Variants in BNIP2 observed in about 807,000 individuals in gnomAD.
BNIP2 encodes BCL2 interacting protein 2.
A neutral mutation model predicts 43.4 loss-of-function variants in BNIP2; 36 were observed. The ratio of observed to expected loss-of-function variants is 0.83; its 90% CI spans 0.64 to 1.10. BNIP2 has a LOEUF of 1.10. BNIP2 is among the 50% of genes least tolerant of loss of function. The pLI is 0.00. For missense variants in BNIP2, 417 were observed against 374.1 expected (o/e 1.11, Z -0.95); for synonymous variants, 146 against 121.0 (o/e 1.21, Z -1.35).
chr15:59,682,496 A>G lies in BNIP2; in HGVS notation c.-39T>C. On this transcript the variant is annotated 5_prime_UTR_variant, in exon 2 of 10. Transcript: ENST00000607373. ...TCAATGTCAACTACAAACTCTTGAT[A>G]ATCCAGGGAGCCAATGTCCTATGAA... 1.9e-6 allele frequency: 3 copies of G among 1,613,020 alleles called. No homozygotes were observed. Among genetic ancestry groups the G allele is most frequent in the Non-Finnish European group, 2.5e-6 (3 of 1,179,554 alleles).
rs1352132536 is a variant in BNIP2, at chr15:59,664,069, T to C, written c.945A>G (p.Ter315=). 6.5e-7 allele frequency: 1 copy of C among 1,547,562 alleles called. No individual in the cohort carries two copies. Among genetic ancestry groups the C allele is most frequent in the Non-Finnish European group, 8.7e-7 (1 of 1,143,940 alleles). The change falls in exon 10 of 10, where the codon TAA becomes TAG. Residue 315 remains the stop codon, a stop_retained_variant. Transcript: ENST00000607373. ...GKQDEPKNEQ[*] ...GTCTTGTTTGGACTAGATGCCAAAC[T>C]TACTGTTCATTTTTCGGTTCATCTT... is the stretch of plus-strand genomic sequence containing the variant.
intron 1 of BNIP2, among the ~76,000 whole-genome samples, chr15:59,683,844 A>G (rs1291328185): frequency 1.3e-5 from 2 of 152,160 alleles, no homozygotes; most frequent in African/African-American, 4.8e-5. Context: ...AATGCAGAAA[A>G]TGACTAATGC....
At chr15:59,683,674 C>A (rs1893838709) in intron 1 of BNIP2, among the ~76,000 whole-genome samples, 1 of 152,072 alleles carries the variant, frequency 6.6e-6, no homozygotes, top group South Asian at 2.1e-4. Flanking sequence ...AAAACATTAG[C>A]CGGATGTGGT....
intron 4 of BNIP2, among the ~76,000 whole-genome samples, chr15:59,679,074 T>C (rs911837698): frequency 5.0e-4 from 76 of 152,280 alleles, no homozygotes; most frequent in African/African-American, 1.8e-3. Context: ...ATAACAACTA[T>C]ATATAAGATA....
intron 7 of BNIP2, among the ~76,000 whole-genome samples, 195 bp downstream of exon 7, chr15:59,670,988 G>A (rs889630283): frequency 5.9e-5 from 9 of 151,358 alleles, no homozygotes; most frequent in Non-Finnish European, 1.0e-4. Flanking sequence ...CAGGAGAATC[G>A]CTTGAACCTG....
intron 9 of BNIP2, among the ~76,000 whole-genome samples, chr15:59,666,405 G>A (rs1354799694): frequency 6.6e-6 from 1 of 152,034 alleles, no homozygotes. Context: ...GGTAGCTGAC[G>A]CCTGTAATCC....
In BNIP2 at chr15:59,659,598, A is replaced by T. The variant is rs1892143946; in HGVS notation, c.*4471T>A. ...ATAAACAAGCAACTGTTAAACGGACATTAAACTTTACAAAGTCCACATACA... is the reference window on the plus strand; with the variant it reads ...ATAAACAAGCAACTGTTAAACGGACTTTAAACTTTACAAAGTCCACATACA... On this transcript the variant is annotated 3_prime_UTR_variant, in exon 10 of 10. Coordinates refer to ENST00000607373, the MANE Select transcript of BNIP2 (RefSeq NM_004330.4). 1.3e-5 allele frequency: 2 copies of T among 152,256 alleles called. No homozygotes were observed. 9.4% of individuals were successfully genotyped at this position (152,256 alleles called of 1,614,324 possible). A position where few individuals can be genotyped will look rare whatever the true frequency, so the allele number is the denominator to read the frequency against.
At chr15:59,686,212 C>T (rs1894005119) in intron 1 of BNIP2, among the ~76,000 whole-genome samples, 1 of 152,198 alleles carries the variant, frequency 6.6e-6, no homozygotes, top group East Asian at 1.9e-4. Context: ...GATGAAGCAG[C>T]TTTCCCCAGG....
At chr15:59,682,097 G>A (rs1179001820) in intron 2 of BNIP2, among the ~76,000 whole-genome samples, 3 of 152,086 alleles carry the variant, frequency 2.0e-5, no homozygotes, top group Non-Finnish European at 4.4e-5. Context: ...GGGAGGCCAA[G>A]GCAGGCAGAT....
chr15:59,682,526 G>T lies in BNIP2; in HGVS notation c.-57-12C>A, dbSNP rs757870301. 4 of 1,581,280 alleles carry T rather than the reference G, an allele frequency of 2.5e-6. No homozygotes were observed. Among genetic ancestry groups the T allele is most frequent in the Admixed American group, 1.9e-5 (1 of 52,912 alleles). The stretch of plus-strand genomic sequence containing the variant: ...AGGGAGCCAATGTCCTATGAAGAGA[G>T]AAAAATGTATAACTTAATTTCCACT... On this transcript the variant is annotated splice_polypyrimidine_tract_variant and intron_variant, in intron 1 of 9. Coordinates refer to ENST00000607373, the MANE Select transcript of BNIP2 (RefSeq NM_004330.4).
At position 59,671,189 on chromosome 15, in the gene BNIP2, T is replaced by C. The variant is rs754243777; in HGVS notation, c.701A>G (p.Asp234Gly). The change falls in exon 7 of 10, where the codon GAT (aspartate) becomes GGT (glycine). Residue 234 changes from aspartate to glycine, a missense_variant. By Grantham distance (94) the Asp-to-Gly change is moderately conservative. Transcript: ENST00000607373. ...CAACTTGTATTTGTATTACCTTCTATCAATTTGCTGATAACATTTCCTGAG... is the reference window on the plus strand; with the variant it reads ...CAACTTGTATTTGTATTACCTTCTACCAATTTGCTGATAACATTTCCTGAG... Reference protein sequence around the residue: ...GWLRKCYQQIDRRLRKNLKSL... With the variant: ...GWLRKCYQQIGRRLRKNLKSL... 10 of 1,594,696 alleles carry C rather than the reference T, an allele frequency of 6.3e-6. 1 individual carries two copies. In the South Asian group the frequency reaches 7.9e-5, roughly 13 times the overall value.
chr15:59,672,509 T>A (rs761422886), intron 6 of BNIP2, 128 bp downstream of exon 6: 147 of 625,636 alleles, frequency 2.3e-4, no homozygotes, highest in Non-Finnish European at 3.7e-4. Context: ...TGGACTCAAG[T>A]GATCTGCCCA....
intron 7 of BNIP2, 41 bp downstream of exon 7, chr15:59,671,141 TA>T: frequency 1.3e-6 from 2 of 1,494,222 alleles, no homozygotes; most frequent in South Asian, 1.3e-5. Flanking sequence ...AAAGCCATTA[TA>T]AAATTTTTTC....
rs1303933472 is a variant in BNIP2 at position 59,671,177 on chromosome 15, T to C, written c.707+6A>G. 2 of 1,588,196 alleles carry C rather than the reference T, an allele frequency of 1.3e-6. No homozygotes were observed. The highest frequency in any genetic ancestry group is 1.3e-5 in the African/African-American group (1 of 74,640). The stretch of plus-strand genomic sequence containing the variant: ...CAGACTAGCTTTCAACTTGTATTTG[T>C]ATTACCTTCTATCAATTTGCTGATA... On this transcript the variant is annotated splice_donor_region_variant and intron_variant, in intron 7 of 9. Transcript: ENST00000607373.
intron 2 of BNIP2, 66 bp from the exon 3 acceptor site, chr15:59,680,374 T>A: frequency 8.5e-7 from 1 of 1,175,628 alleles, no homozygotes; most frequent in Non-Finnish European, 1.2e-6. Context: ...AAGTTCAATC[T>A]ATTAAACATA....
rs1410252458 is a variant in BNIP2, at chr15:59,671,281, T to C, written c.609A>G (p.Ala203=). 5 of 1,595,506 alleles carry C rather than the reference T, an allele frequency of 3.1e-6. No individual in the cohort carries two copies. The highest frequency in any genetic ancestry group is 2.6e-6 in the Non-Finnish European group (3 of 1,169,844). The change falls in exon 7 of 10, where the codon GCA becomes GCG. Residue 203 remains alanine (A), a synonymous_variant. Coordinates refer to ENST00000607373, the MANE Select transcript of BNIP2 (RefSeq NM_004330.4). ...TTAAATAAACTATCATGTAGTTTTC[T>C]GCTACTAATAGCTCCAAAGTGCCAA... The part of the protein sequence containing the change: ...YVIGTLELLV[A]ENYMIVYLNG...
intron 9 of BNIP2, 141 bp downstream of exon 9, chr15:59,668,746 TTTTTC>T: frequency 1.6e-6 from 1 of 628,120 alleles, no homozygotes; most frequent in Non-Finnish European, 2.5e-6. Flanking sequence ...CTTCTTCCTC[TTTTTC>T]TTTGTTACAC....
intron 1 of BNIP2, among the ~76,000 whole-genome samples, chr15:59,687,308 G>A (rs979845681): frequency 5.3e-5 from 8 of 150,878 alleles, no homozygotes; most frequent in Non-Finnish European, 1.0e-4. Flanking sequence ...TGCTTTATAG[G>A]ATGTAAACTT....
intron 6 of BNIP2, chr15:59,672,265 G>C (rs560657903): frequency 6.3e-6 from 1 of 159,106 alleles, no homozygotes; most frequent in Non-Finnish European, 1.4e-5. Context: ...ACTTGCACGT[G>C]AAAAGATCTG....
Sources: gnomAD v4.1 joint callset for allele counts (sites outside exome capture counted in the v4.1 genomes callset) on GRCh38, gnomAD v4.1.1 for gene constraint, MANE v1.5 for transcripts, NCBI Gene and HGNC (gene_info 2026-07-23, HGNC 2026-07-21) for gene names.